PFKFB3: variants seen among roughly 807,000 people sequenced by gnomAD.
The protein encoded by PFKFB3 is 6-phosphofructo-2-kinase/fructose-2,6-biphosphatase 3, also known as 6-phosphofructo-2-kinase/fructose-2,6-bisphosphatase 3.
Under a neutral mutation model 68.0 loss-of-function variants are expected in PFKFB3, and 33 were observed. The ratio of observed to expected loss-of-function variants is 0.49; its 90% CI spans 0.37 to 0.65. PFKFB3 has a LOEUF of 0.65. PFKFB3 is among the 30% of genes least tolerant of loss of function. PFKFB3 has a pLI of 0.00. For synonymous variants in PFKFB3, 315 were observed against 288.2 expected, an observed-to-expected ratio of 1.09 and a Z score of -0.94; for missense variants, 586 against 712.2, an observed-to-expected ratio of 0.82 and a Z score of 2.02.
the PFKFB3 span, among the ~76,000 whole-genome samples, chr10:6,301,589 G>A: frequency 6.6e-6 from 1 of 152,174 alleles, no homozygotes; most frequent in Non-Finnish European, 1.5e-5. Flanking sequence ...CAGATAGATT[G>A]AGGAAAGTAC....
rs1022348074 is a variant in PFKFB3, at chr10:6,228,497, G to A, written c.1515+2132G>A. 3.3e-5 allele frequency among the ~76,000 whole-genome samples: 5 copies of A among 152,064 alleles called. No homozygotes were observed. The highest frequency in any genetic ancestry group is 6.5e-5 in the Admixed American group (1 of 15,268). The stretch of plus-strand genomic sequence containing the variant: ...CCCTACCCTCTCAGGGCTGCAGGTC[G>A]TGGTGTGTAATGGCCGTGGTTTAGG... On this transcript the variant is annotated intron_variant, in intron 14 of 14. Transcript: ENST00000379775. This position sits in a 1 kb window ranked among gnomAD's most constrained non-coding sequence, Gnocchi z 4.5.
chr10:6,203,614 G>T (rs1843484957), intron 1 of PFKFB3, among the ~76,000 whole-genome samples: 3 of 151,954 alleles, frequency 2.0e-5, no homozygotes, highest in Middle Eastern at 3.4e-3. Context: ...GGGCAGGCCA[G>T]GGAGGGGATC....
chr10:6,283,439 A>G, the PFKFB3 span, among the ~76,000 whole-genome samples: 20 of 133,128 alleles, frequency 1.5e-4, no homozygotes, highest in Admixed American at 1.5e-3. Context: ...TCTTGAGGCA[A>G]CAGGCTGCCC....
At chr10:6,274,285 T>C in the PFKFB3 span, among the ~76,000 whole-genome samples, 1 of 152,242 alleles carries the variant, frequency 6.6e-6, no homozygotes, top group Admixed American at 6.5e-5. Context: ...ACTAATACAG[T>C]GTACTGAAGC....
At chr10:6,297,102 T>C in the PFKFB3 span, among the ~76,000 whole-genome samples, 2 of 152,230 alleles carry the variant, frequency 1.3e-5, no homozygotes, top group Admixed American at 1.3e-4. Context: ...CCAACCAGGC[T>C]TGCCTGGGCG....
intron 14 of PFKFB3, among the ~76,000 whole-genome samples, chr10:6,232,387 C>T (rs1189509369): frequency 1.3e-5 from 2 of 152,102 alleles, no homozygotes; most frequent in Non-Finnish European, 2.9e-5. Flanking sequence ...CTCCCCACCA[C>T]GTCCAGCCAT....
chr10:6,244,065 G>A (rs1208929852), intron 14 of PFKFB3, among the ~76,000 whole-genome samples: 2 of 152,168 alleles, frequency 1.3e-5, no homozygotes, highest in Non-Finnish European at 2.9e-5. Flanking sequence ...TCACTATGTT[G>A]CCCAGGCTAG....
rs1020955853 is a variant in PFKFB3, at chr10:6,229,271, C to G, written c.1515+2906C>G. ...CCATGTCCACGTTCCTTAAGACCAC[C>G]CTGGGAGGTCGGCAGGGCAGTCAGT... On this transcript the variant is annotated intron_variant, in intron 14 of 14. Transcript: ENST00000379775. This position sits in a 1 kb window ranked among gnomAD's most constrained non-coding sequence, Gnocchi z 4.3. 9.1e-6 allele frequency: 4 copies of G among 439,642 alleles called. No homozygotes were observed. The highest frequency in any genetic ancestry group is 8.1e-5 in the African/African-American group (4 of 49,274). The allele number at this position is 439,642 out of a possible 1,614,324, so 27.2% of individuals were successfully genotyped here.
chr10:6,191,691 T>C (rs1195380671), intron 1 of PFKFB3, among the ~76,000 whole-genome samples: 1 of 152,216 alleles, frequency 6.6e-6, no homozygotes, highest in Non-Finnish European at 1.5e-5. Context: ...AGGATCTGGC[T>C]GCTGCATTTG....
Position 6,194,984 on chromosome 10 carries a change from T to C in PFKFB3, c.17-18639T>C, listed in dbSNP as rs1333277131. 2.6e-5 allele frequency among the ~76,000 whole-genome samples: 4 copies of C among 152,154 alleles called. No individual in the cohort carries two copies. The East Asian group carries it at 5.8e-4, about 22-fold the overall frequency. ...GCCTCCCAGGTTCGAGCTATTCTCC[T>C]GCCTTGGCCTCCCGAGTAGCTGGGA... On this transcript the variant is annotated intron_variant, in intron 1 of 14. Coordinates refer to the PFKFB3 transcript ENST00000379789.
upstream of PFKFB3, among the ~76,000 whole-genome samples, chr10:6,201,257 A>G (rs1843339428): frequency 6.7e-6 from 1 of 149,388 alleles, no homozygotes; most frequent in African/African-American, 2.5e-5. The surrounding 1 kb of genome is among the most constrained non-coding windows in gnomAD (Gnocchi z 4.1). Context: ...GTGGAGTGGG[A>G]CTCTCCCCTG....
chr10:6,309,489 G>T, the PFKFB3 span, among the ~76,000 whole-genome samples: 18,177 of 151,974 alleles, frequency 0.12, 1,196 homozygotes, highest in East Asian at 0.22. Context: ...AGGCATGGTG[G>T]TGCATGCCTG....
chr10:6,195,714 G>C (rs1017113340), intron 1 of PFKFB3, among the ~76,000 whole-genome samples: 2 of 152,246 alleles, frequency 1.3e-5, no homozygotes, highest in Non-Finnish European at 2.9e-5. Context: ...TCTCTTGGGG[G>C]AGAAGGTAGG....
At chr10:6,166,761 A>G (rs1400733445) in intron 1 of PFKFB3, among the ~76,000 whole-genome samples, 1 of 151,936 alleles carries the variant, frequency 6.6e-6, no homozygotes, top group Non-Finnish European at 1.5e-5. Context: ...GAGTTTAACA[A>G]ATGTGGTCAC....
rs1441636366 is a variant in PFKFB3, at chr10:6,215,288, C to T, written c.270C>T (p.Pro90=). The change falls in exon 3 of 15, where the codon CCC becomes CCT. Residue 90 remains proline (P), a synonymous_variant. Coordinates refer to ENST00000379775, the MANE Select transcript of PFKFB3 (RefSeq NM_004566.4). The surrounding 1 kb of genome is among the most constrained non-coding windows in gnomAD (Gnocchi z 4.3). ...KQYSSYNFFR[P]DNEEAMKVRK... ...ACAGCTCCTACAACTTCTTCCGCCC[C>T]GACAATGAGGAAGCCATGAAAGTCC... The T allele has an allele frequency of 1.8e-5, 29 of 1,613,750 alleles. No individual in the cohort carries two copies. Among genetic ancestry groups the T allele is most frequent in the Middle Eastern group, 1.6e-4 (1 of 6,084 alleles).
chr10:6,268,109 C>T, the PFKFB3 span, among the ~76,000 whole-genome samples: 1 of 152,064 alleles, frequency 6.6e-6, no homozygotes, highest in Non-Finnish European at 1.5e-5. Context: ...CTCCCCTCCC[C>T]CACGCCACTT....
chr10:6,204,153 G>A (rs1843536704), intron 1 of PFKFB3, among the ~76,000 whole-genome samples: 1 of 152,274 alleles, frequency 6.6e-6, no homozygotes, highest in Admixed American at 6.5e-5. Context: ...GATCGCTTGG[G>A]AGAGGGTTAC....
intron 1 of PFKFB3, among the ~76,000 whole-genome samples, chr10:6,169,377 TA>T (rs1318961314): frequency 3.3e-5 from 5 of 152,026 alleles, no homozygotes; most frequent in African/African-American, 1.2e-4. Flanking sequence ...GTGAGCAGGG[TA>T]GGGGGTCTTA....
At chr10:6,169,231 C>T (rs1425743729) in intron 1 of PFKFB3, among the ~76,000 whole-genome samples, 9 of 152,176 alleles carry the variant, frequency 5.9e-5, no homozygotes, top group Non-Finnish European at 1.2e-4. Context: ...CGTGAGCCAC[C>T]GCGCCCAGTC....
Sources: allele counts gnomAD v4.1 joint callset (sites outside exome capture counted in the v4.1 genomes callset), GRCh38; gene constraint gnomAD v4.1.1; non-coding constraint Gnocchi (gnomAD v3.1); transcripts MANE v1.5; gene names NCBI Gene and HGNC (gene_info 2026-07-23, HGNC 2026-07-21).